PTPRC: variants seen among roughly 807,000 people sequenced by gnomAD.
PTPRC encodes protein tyrosine phosphatase receptor type C, also known as receptor-type tyrosine-protein phosphatase C.
A neutral mutation model predicts 155.9 loss-of-function variants in PTPRC; 44 were observed. The ratio of observed to expected loss-of-function variants is 0.28; its 90% confidence interval spans 0.22 to 0.36. The LOEUF (loss-of-function observed/expected upper bound fraction) is 0.36. PTPRC is among the 10% of genes least tolerant of loss of function. The pLI is 1.00. For missense variants in PTPRC, 1,401 were observed against 1,564.6 expected (o/e 0.90, Z 1.76); for synonymous variants, 525 against 533.1 (o/e 0.98, Z 0.21).
At chr1:198,736,013 G>A (rs1215756934) in intron 23 of PTPRC, among the ~76,000 whole-genome samples, 1 of 151,446 alleles carries the variant, frequency 6.6e-6, no homozygotes, top group African/African-American at 2.4e-5. Flanking sequence ...TGTAAAATGT[G>A]TATCTCTTAT....
intron 2 of PTPRC, among the ~76,000 whole-genome samples, chr1:198,661,268 A>G (rs1267675011): frequency 6.6e-6 from 1 of 151,030 alleles, no homozygotes; most frequent in Non-Finnish European, 1.5e-5. Flanking sequence ...TGGGTTATAT[A>G]TATTTATTGT....
chr1:198,691,224 TC>T (rs2102365140), intron 2 of PTPRC, among the ~76,000 whole-genome samples: 1 of 152,226 alleles, frequency 6.6e-6, no homozygotes, highest in South Asian at 2.1e-4. Context: ...CAGATGTATG[TC>T]ATGAGCTACA....
chr1:198,752,654 C>A lies in PTPRC; in HGVS notation c.3391C>A (p.Pro1131Thr). 1 of 1,612,816 alleles carries A rather than the reference C, an allele frequency of 6.2e-7. No individual in the cohort carries two copies. Among genetic ancestry groups the A allele is most frequent in the Non-Finnish European group, 8.5e-7 (1 of 1,179,256 alleles). ...QYTNWSVEQL[P>T]AEPKELISMI... ...TACAAACTGGAGTGTGGAGCAGCTT[C>A]CTGCAGAACCCAAGGAATTAATCTC... Residue 1131 changes from proline to threonine, a missense_variant, in exon 31 of 33, where the codon CCT (proline) becomes ACT (threonine). Around this residue, in one of 3 missense-constraint regions of PTPRC, gnomAD observed 400 missense variants for 389.5 expected, o/e 1.03. Coordinates refer to ENST00000442510, the MANE Select transcript of PTPRC (RefSeq NM_002838.5).
intron 3 of PTPRC, chr1:198,694,735 CCTA>C (rs1415156983): frequency 5.2e-6 from 5 of 964,436 alleles, no homozygotes; most frequent in Non-Finnish European, 4.9e-6. Flanking sequence ...TCCCTTCTTT[CCTA>C]CTTTCTTTCC....
At chr1:198,658,859 T>A (rs1185122073) in intron 2 of PTPRC, among the ~76,000 whole-genome samples, 1 of 151,994 alleles carries the variant, frequency 6.6e-6, no homozygotes, top group Admixed American at 6.6e-5. Context: ...AACCCTTACC[T>A]TTTAGAGTAA....
rs760171407 is a variant in PTPRC at position 198,699,634 on chromosome 1, C to T, written c.369C>T (p.Asp123=). 3 of 1,614,220 alleles carry T rather than the reference C, an allele frequency of 1.9e-6. No individual in the cohort carries two copies. The highest frequency in any genetic ancestry group is 2.5e-6 in the Non-Finnish European group (3 of 1,180,036). ...ADSQTPSAGT[D]TQTFSGSAAN... ...CGCAGACGCCCTCTGCTGGAACTGA[C>T]ACGCAGACATTCAGCGGCTCCGCCG... The change falls in exon 5 of 33, where the codon GAC becomes GAT. Residue 123 remains aspartate, a synonymous_variant. Transcript: ENST00000442510.
intron 2 of PTPRC, among the ~76,000 whole-genome samples, chr1:198,659,961 G>A (rs992877544): frequency 1.5e-5 from 2 of 135,594 alleles, no homozygotes; most frequent in Admixed American, 7.6e-5. Flanking sequence ...CACGTATATG[G>A]ACATATATAT....
chr1:198,747,969 C>G, intron 26 of PTPRC, 140 bp from the exon 27 acceptor site: 1 of 1,304,036 alleles, frequency 7.7e-7, no homozygotes, highest in African/African-American at 1.5e-5. Context: ...AGAGGCAAAC[C>G]GAAAAATTAT....
chr1:198,755,163 T>A (rs985097458), intron 32 of PTPRC, among the ~76,000 whole-genome samples: 2 of 152,032 alleles, frequency 1.3e-5, no homozygotes, highest in African/African-American at 4.8e-5. Flanking sequence ...TAGACTCCAC[T>A]TCTTGAGAGG....
chr1:198,639,296 T>G lies in PTPRC; in HGVS notation c.28T>G (p.Leu10Val), dbSNP rs61757803. MTMYLWLKL[L>V]AFGFAFLDTE... Reference sequence around the variant, plus strand: ...GACCATGTATTTGTGGCTTAAACTCTTGGCATTTGGCTTTGCCTTTCTGGA... The same window carrying G: ...GACCATGTATTTGTGGCTTAAACTCGTGGCATTTGGCTTTGCCTTTCTGGA... The change falls in exon 2 of 33, where the codon TTG (leucine) becomes GTG (valine). Residue 10 changes from leucine to valine, a missense_variant. This residue lies in a region of PTPRC where 867 missense variants were observed against 970.4 expected (regional missense o/e 0.89). Coordinates refer to ENST00000442510, the MANE Select transcript of PTPRC (RefSeq NM_002838.5). The G allele has an allele frequency of 4.0e-5, 64 of 1,613,354 alleles. No homozygotes were observed. Among genetic ancestry groups the G allele is most frequent in the Non-Finnish European group, 5.4e-5 (64 of 1,179,510 alleles).
At chr1:198,708,906 C>T (rs911066015) in intron 10 of PTPRC, among the ~76,000 whole-genome samples, 20 of 152,226 alleles carry the variant, frequency 1.3e-4, no homozygotes, top group African/African-American at 4.8e-4. Context: ...CAGATGTGCT[C>T]AGGTGTGCAT....
chr1:198,656,395 C>G (rs934344835), intron 2 of PTPRC, among the ~76,000 whole-genome samples: 2 of 152,070 alleles, frequency 1.3e-5, no homozygotes, highest in African/African-American at 4.8e-5. Context: ...TATTTTCATC[C>G]TTTGCATATA....
intron 2 of PTPRC, among the ~76,000 whole-genome samples, chr1:198,661,553 T>C (rs767400736): frequency 6.6e-6 from 1 of 151,886 alleles, no homozygotes; most frequent in Non-Finnish European, 1.5e-5. Context: ...TTTCTACTAA[T>C]GAGAGAATGA....
chr1:198,650,996 A>C (rs1437103101), intron 2 of PTPRC, among the ~76,000 whole-genome samples: 1 of 151,886 alleles, frequency 6.6e-6, no homozygotes, highest in Non-Finnish European at 1.5e-5. Context: ...AAATATCTCT[A>C]TTAACTTTAA....
chr1:198,694,377 ATCT>A, intron 3 of PTPRC: 1 of 1,061,350 alleles, frequency 9.4e-7, no homozygotes, highest in East Asian at 3.4e-5. Flanking sequence ...TCAAATGTTA[ATCT>A]CCCTTGGCAA....
chr1:198,744,319 C>A, intron 26 of PTPRC, 116 bp downstream of exon 26: 3 of 1,052,830 alleles, frequency 2.8e-6, no homozygotes, highest in Non-Finnish European at 4.3e-6. Flanking sequence ...TTCACCAGAA[C>A]CAAAGGAGCA....
intron 2 of PTPRC, among the ~76,000 whole-genome samples, chr1:198,668,985 G>T (rs926215422): frequency 7.9e-5 from 12 of 152,080 alleles, no homozygotes; most frequent in African/African-American, 2.9e-4. Flanking sequence ...TAACATATAG[G>T]CTCAAACATT....
chr1:198,659,556 T>TGCTTTTTTTTTTTC (rs1266549830), intron 2 of PTPRC, among the ~76,000 whole-genome samples: 8 of 150,642 alleles, frequency 5.3e-5, no homozygotes. Flanking sequence ...TTTTTTTTTT[T>TGCTTTTTTTTTTTC]GCTTTTTTTT....
intron 2 of PTPRC, among the ~76,000 whole-genome samples, chr1:198,673,427 C>T (rs973036319): frequency 6.6e-6 from 1 of 152,106 alleles, no homozygotes; most frequent in Non-Finnish European, 1.5e-5. Context: ...ATACATACTT[C>T]ATATTATTAC....
Sources: allele counts gnomAD v4.1 joint callset (sites outside exome capture counted in the v4.1 genomes callset), GRCh38; gene constraint gnomAD v4.1.1; regional missense constraint gnomAD v4.1.1; transcripts MANE v1.5; gene names NCBI Gene and HGNC (gene_info 2026-07-23, HGNC 2026-07-21).